CELF6: variants seen among roughly 807,000 people sequenced by gnomAD.
CELF6 encodes the protein CUGBP Elav-like family member 6, also known as Bruno -like 6, RNA binding protein.
Under a neutral mutation model 53.1 loss-of-function variants are expected in CELF6, and 32 were observed. The observed-to-expected ratio is 0.60, with a 90% confidence interval of 0.46 to 0.81. The LOEUF (loss-of-function observed/expected upper bound fraction) is 0.81. CELF6 is among the 30% of genes least tolerant of loss of function. CELF6 has a pLI of 0.00. For synonymous variants in CELF6, 291 were observed against 288.8 expected, an observed-to-expected ratio of 1.01 and a Z score of -0.08; for missense variants, 539 against 669.5, an observed-to-expected ratio of 0.81 and a Z score of 2.15.
intron 3 of CELF6, among the ~76,000 whole-genome samples, chr15:72,303,088 G>T (rs191053639): frequency 6.6e-6 from 1 of 152,340 alleles, no homozygotes; most frequent in East Asian, 1.9e-4. Flanking sequence ...TTGGTTGTGT[G>T]GTTGAACCTG....
chr15:72,315,732 ACT>A, intron 2 of CELF6, 111 bp downstream of exon 2: 1 of 618,034 alleles, frequency 1.6e-6, no homozygotes. Flanking sequence ...TAGAAAGATG[ACT>A]CTGCTTCTAG....
At chr15:72,302,058 T>C (rs1280857443) in intron 3 of CELF6, among the ~76,000 whole-genome samples, 1 of 152,180 alleles carries the variant, frequency 6.6e-6, no homozygotes, top group Non-Finnish European at 1.5e-5. Flanking sequence ...TCTAAAGCAT[T>C]AGGTTGTGTT....
At position 72,319,491 on chromosome 15, in the gene CELF6, T is replaced by C. The variant is rs959335414; in HGVS notation, c.262+122A>G. ...ATCTGGGAAGGGGGCTGGGCTGAGGTGGGGCTGATATTGGACTGGTGTTGG... is the reference window on the plus strand; with the variant it reads ...ATCTGGGAAGGGGGCTGGGCTGAGGCGGGGCTGATATTGGACTGGTGTTGG... On this transcript the variant is annotated intron_variant, in intron 1 of 12. Transcript: ENST00000287202. The surrounding 1 kb of genome is among the most constrained non-coding windows in gnomAD (Gnocchi z 5.0). 6 of 1,054,258 alleles carry C rather than the reference T, an allele frequency of 5.7e-6. No homozygotes were observed. The highest frequency in any genetic ancestry group is 1.8e-5 in the African/African-American group (1 of 54,210). 65.3% of individuals were successfully genotyped at this position (1,054,258 alleles called of 1,614,324 possible). A position where few individuals can be genotyped will look rare whatever the true frequency, so the allele number is the denominator to read the frequency against.
At chr15:72,304,403 C>A (rs1466136044) in intron 3 of CELF6, among the ~76,000 whole-genome samples, 1 of 152,184 alleles carries the variant, frequency 6.6e-6, no homozygotes, top group East Asian at 1.9e-4. Context: ...TAACCCCCAC[C>A]TGATTCTTAA....
chr15:72,305,503 G>A (rs925511042), intron 2 of CELF6, among the ~76,000 whole-genome samples: 2 of 152,238 alleles, frequency 1.3e-5, no homozygotes, highest in Admixed American at 6.5e-5. Context: ...CACTGCGCCC[G>A]GCCAGATTCA....
At position 72,292,193 on chromosome 15, in the gene CELF6, C is replaced by T. The variant is rs951882608; in HGVS notation, c.395-1938G>A. On this transcript the variant is annotated intron_variant, in intron 3 of 12. Coordinates refer to ENST00000287202, the MANE Select transcript of CELF6 (RefSeq NM_052840.5). ...CTCCAAGGAAAGCCCTTTGAAATTA[C>T]TGACCTAGAAGATAGAGAACAGAGT... 11 of 1,533,816 alleles carry T rather than the reference C, an allele frequency of 7.2e-6. No individual in the cohort carries two copies. The Admixed American group carries it at 1.4e-4, about 19-fold the overall frequency.
intron 1 of CELF6, among the ~76,000 whole-genome samples, chr15:72,317,037 C>T (rs764327571): frequency 1.1e-4 from 16 of 152,148 alleles, no homozygotes; most frequent in Admixed American, 2.6e-4. Context: ...TATATGAAGA[C>T]TGAATCAAGA....
At chr15:72,316,954 G>A (rs1474625640) in intron 1 of CELF6, among the ~76,000 whole-genome samples, 1 of 152,154 alleles carries the variant, frequency 6.6e-6, no homozygotes, top group Admixed American at 6.5e-5. Context: ...GAGTCCTCGA[G>A]AACAAGAACA....
At chr15:72,290,850 C>T (rs1432321274) in intron 3 of CELF6, among the ~76,000 whole-genome samples, 1 of 152,198 alleles carries the variant, frequency 6.6e-6, no homozygotes, top group East Asian at 1.9e-4. Context: ...TGAATCCTTA[C>T]CCTCTGCACC....
At chr15:72,290,280 TG>T in intron 3 of CELF6, 25 bp from the exon 4 acceptor site, 1 of 1,608,452 alleles carries the variant, frequency 6.2e-7, no homozygotes, top group Non-Finnish European at 8.5e-7. Flanking sequence ...AGGAATGACC[TG>T]GGGACCCCAA....
In CELF6 at chr15:72,288,839, C is replaced by T. The variant is rs1595773864; in HGVS notation, c.1093+29G>A. 1.9e-6 allele frequency: 3 copies of T among 1,545,852 alleles called. No homozygotes were observed. The highest frequency in any genetic ancestry group is 2.7e-5 in the African/African-American group (2 of 72,944). On this transcript the variant is annotated intron_variant, in intron 9 of 12. Transcript: ENST00000287202. This position sits in a 1 kb window ranked among gnomAD's most constrained non-coding sequence, Gnocchi z 4.6. Reference sequence around the variant, plus strand: ...ATTTCTTTCTAGGGCCCTTCAACCTCCCCCAGGCCGCGTAGCGCCAAGTGA... The same window carrying T: ...ATTTCTTTCTAGGGCCCTTCAACCTTCCCCAGGCCGCGTAGCGCCAAGTGA...
In CELF6 at chr15:72,289,796, T is replaced by G; in HGVS notation, c.604-26A>C. On this transcript the variant is annotated intron_variant, in intron 5 of 12. Coordinates refer to ENST00000287202, the MANE Select transcript of CELF6 (RefSeq NM_052840.5). The surrounding 1 kb of genome is among the most constrained non-coding windows in gnomAD (Gnocchi z 7.6). ...CTGGGCAGGGCAGGGGAGGCCGTGG[T>G]GACCGGTCCTGACCCTGGCCCCGGC... The G allele has an allele frequency of 6.9e-7, 1 of 1,446,166 alleles. No individual in the cohort carries two copies. The allele number at this position is 1,446,166 out of a possible 1,614,324, so 89.6% of individuals were successfully genotyped here. A position where few individuals can be genotyped will look rare whatever the true frequency, so the allele number is the denominator to read the frequency against.
chr15:72,307,462 T>C (rs2088246117), intron 2 of CELF6, among the ~76,000 whole-genome samples: 1 of 152,220 alleles, frequency 6.6e-6, no homozygotes, highest in African/African-American at 2.4e-5. Flanking sequence ...AATGTTACCA[T>C]TTCCTGAGAG....
chr15:72,308,228 T>C (rs2140303018), intron 2 of CELF6, among the ~76,000 whole-genome samples: 1 of 142,776 alleles, frequency 7.0e-6, no homozygotes, highest in East Asian at 2.0e-4. Flanking sequence ...ATTGTTTTTT[T>C]TTGTTTGTTT....
rs1375868077 is a variant in CELF6, at chr15:72,287,236, C to T, written c.*28+1G>A. 1.9e-6 allele frequency: 3 copies of T among 1,611,144 alleles called. No individual in the cohort carries two copies. Among genetic ancestry groups the T allele is most frequent in the South Asian group, 1.1e-5 (1 of 90,704 alleles). On this transcript the variant is annotated splice_donor_variant, in intron 12 of 12. Transcript: ENST00000287202. LOFTEE classifies it low-confidence loss of function (3UTR_SPLICE). ...CTACCTGGGGTCCATCAGGGACTCACCTTTCTGTGGCTGGTCAGTGAAAGC... is the reference window on the plus strand; with the variant it reads ...CTACCTGGGGTCCATCAGGGACTCATCTTTCTGTGGCTGGTCAGTGAAAGC...
intron 3 of CELF6, among the ~76,000 whole-genome samples, chr15:72,301,035 G>A (rs1002896110): frequency 5.9e-5 from 9 of 151,842 alleles, no homozygotes; most frequent in African/African-American, 1.7e-4. Context: ...CTAGGCTGGA[G>A]TGCAGTAGCG....
rs775066584 is a variant in CELF6 at position 72,289,298 on chromosome 15, A to C, written c.881-11T>G. On this transcript the variant is annotated splice_polypyrimidine_tract_variant and intron_variant, in intron 7 of 12. Coordinates refer to ENST00000287202, the MANE Select transcript of CELF6 (RefSeq NM_052840.5). The surrounding 1 kb of genome is among the most constrained non-coding windows in gnomAD (Gnocchi z 7.6). ...GCGGGGAGTTGGCTGCTGATGGCGG[A>C]AAAGGTCTGAGAGTCAGGCCGCCAC... 59 of 1,559,134 alleles carry C rather than the reference A, an allele frequency of 3.8e-5. No homozygotes were observed. Among genetic ancestry groups the C allele is most frequent in the Admixed American group, 2.7e-4 (14 of 52,150 alleles).
chr15:72,304,627 C>A, intron 3 of CELF6, 119 bp downstream of exon 3: 1 of 860,510 alleles, frequency 1.2e-6, no homozygotes, highest in East Asian at 2.5e-5. Context: ...ACTCTGAGCC[C>A]CACCTGTCCC....
chr15:72,292,248 A>T (rs1159165440), intron 3 of CELF6: 7 of 1,535,398 alleles, frequency 4.6e-6, no homozygotes, highest in Admixed American at 2.0e-5. Context: ...GGGATCTGAG[A>T]TCATCCTGTT....
Sources: gnomAD v4.1 joint callset for allele counts (sites outside exome capture counted in the v4.1 genomes callset) on GRCh38, gnomAD v4.1.1 for gene constraint, Gnocchi (gnomAD v3.1) non-coding constraint, MANE v1.5 for transcripts, NCBI Gene and HGNC (gene_info 2026-07-23, HGNC 2026-07-21) for gene names.